ZCCHC7: variants seen among roughly 807,000 people sequenced by gnomAD.
The protein encoded by ZCCHC7 is zinc finger CCHC domain-containing protein 7.
ZCCHC7 carries 35 observed loss-of-function variants against 52.0 expected under a neutral mutation model. The ratio of observed to expected loss-of-function variants is 0.67; its 90% CI spans 0.51 to 0.89. The LOEUF is 0.89. Among genes scored for constraint, ZCCHC7 ranks in the 40% least tolerant of loss-of-function variants. The probability of loss-of-function intolerance (pLI) is 0.00; values close to 1 mark genes in which losing one functional copy is unlikely to be tolerated. For synonymous variants in ZCCHC7, 217 were observed against 221.5 expected (o/e 0.98, Z 0.18); for missense variants, 574 against 649.1 (o/e 0.88, Z 1.26).
chr9:37,315,409 A>G (rs1248802983), intron 5 of ZCCHC7, among the ~76,000 whole-genome samples: 1 of 147,292 alleles, frequency 6.8e-6, no homozygotes, highest in Non-Finnish European at 1.5e-5. Flanking sequence ...GTTGTAAGGC[A>G]TTCTACTAAT....
chr9:37,270,023 G>C (rs1334699209), intron 2 of ZCCHC7, among the ~76,000 whole-genome samples: 1 of 152,176 alleles, frequency 6.6e-6, no homozygotes, highest in Non-Finnish European at 1.5e-5. Flanking sequence ...CATTAGCTAT[G>C]TGTGTATCTG....
intron 2 of ZCCHC7, among the ~76,000 whole-genome samples, chr9:37,169,388 G>A (rs1193562904): frequency 6.6e-6 from 1 of 152,112 alleles, no homozygotes; most frequent in Non-Finnish European, 1.5e-5. Flanking sequence ...TTTCACTTGG[G>A]GGCCTACCCG....
At chr9:37,129,550 G>T (rs1243897821) in intron 2 of ZCCHC7, among the ~76,000 whole-genome samples, 1 of 152,140 alleles carries the variant, frequency 6.6e-6, no homozygotes, top group East Asian at 1.9e-4. Flanking sequence ...GGGATAGATT[G>T]GTTCATATAA....
chr9:37,240,884 C>T lies in ZCCHC7; in HGVS notation c.611-61304C>T, dbSNP rs557957701. Among the ~76,000 whole-genome samples, 13 of 151,602 alleles carry T rather than the reference C, an allele frequency of 8.6e-5. No homozygotes were observed. The East Asian group carries it at 1.5e-3, about 18-fold the overall frequency. On this transcript the variant is annotated intron_variant, in intron 2 of 8. Coordinates refer to ENST00000336755, the MANE Select transcript of ZCCHC7 (RefSeq NM_032226.3). ...CATTTAATATGCAATAAAATATTGACGTAAAAGAAATAGCCAAGAGATAGA... is the reference window on the plus strand; with the variant it reads ...CATTTAATATGCAATAAAATATTGATGTAAAAGAAATAGCCAAGAGATAGA...
chr9:37,288,042 G>C (rs1828338800), intron 2 of ZCCHC7, among the ~76,000 whole-genome samples: 1 of 152,070 alleles, frequency 6.6e-6, no homozygotes, highest in Admixed American at 6.6e-5. Flanking sequence ...AGTTTGGAAG[G>C]CTGAGGTAGG....
At chr9:37,223,899 C>G (rs1824957944) in intron 2 of ZCCHC7, among the ~76,000 whole-genome samples, 1 of 151,898 alleles carries the variant, frequency 6.6e-6, no homozygotes, top group African/African-American at 2.4e-5. Flanking sequence ...ACAGCATGCA[C>G]CCATTTTTCA....
chr9:37,228,204 T>C (rs10122265), intron 2 of ZCCHC7, among the ~76,000 whole-genome samples: 4,259 of 152,186 alleles, frequency 0.028, 139 homozygotes, highest in East Asian at 0.075. Context: ...ACAAATCAGA[T>C]CAGTGGTTAC....
chr9:37,178,032 A>T (rs938068519), intron 2 of ZCCHC7, among the ~76,000 whole-genome samples: 8 of 152,208 alleles, frequency 5.3e-5, no homozygotes, highest in Non-Finnish European at 8.8e-5. Context: ...CTAATGTAAG[A>T]TGTCACTATT....
At chr9:37,128,578 T>G (rs1377539186) in intron 2 of ZCCHC7, among the ~76,000 whole-genome samples, 1 of 152,238 alleles carries the variant, frequency 6.6e-6, no homozygotes, top group Non-Finnish European at 1.5e-5. Flanking sequence ...CATGACTTTG[T>G]GTTTTATTAA....
intron 2 of ZCCHC7, among the ~76,000 whole-genome samples, chr9:37,220,473 C>A (rs1336088197): frequency 6.6e-6 from 1 of 152,026 alleles, no homozygotes; most frequent in African/African-American, 2.4e-5. Context: ...ACCCGGGAGG[C>A]GAAAGTTGCA....
chr9:37,280,809 C>T (rs1400424702), intron 2 of ZCCHC7, among the ~76,000 whole-genome samples: 3 of 151,962 alleles, frequency 2.0e-5, no homozygotes, highest in Non-Finnish European at 4.4e-5. Flanking sequence ...TGCTTTGTCA[C>T]CCAGGTTGGA....
intron 6 of ZCCHC7, among the ~76,000 whole-genome samples, chr9:37,328,422 G>GT (rs1282532435): frequency 6.6e-6 from 1 of 151,890 alleles, no homozygotes; most frequent in East Asian, 1.9e-4. Context: ...AGAAAATACA[G>GT]TTTGCTAGAG....
At chr9:37,266,884 G>A (rs1188772544) in intron 2 of ZCCHC7, among the ~76,000 whole-genome samples, 1 of 152,056 alleles carries the variant, frequency 6.6e-6, no homozygotes, top group Admixed American at 6.5e-5. Context: ...AAAAAACAAA[G>A]TCTAACAGTG....
chr9:37,318,228 G>A (rs540408031), intron 5 of ZCCHC7, among the ~76,000 whole-genome samples: 28 of 151,860 alleles, frequency 1.8e-4, no homozygotes, highest in African/African-American at 4.8e-4. Flanking sequence ...ATAAAAGGCC[G>A]GGCGCAGTGG....
At chr9:37,195,327 A>G (rs1823234490) in intron 2 of ZCCHC7, among the ~76,000 whole-genome samples, 1 of 152,176 alleles carries the variant, frequency 6.6e-6, no homozygotes, top group Admixed American at 6.5e-5. Context: ...CATATTGTTG[A>G]TAAGTTTAAT....
At chr9:37,163,434 T>G (rs1821230905) in intron 2 of ZCCHC7, among the ~76,000 whole-genome samples, 1 of 149,356 alleles carries the variant, frequency 6.7e-6, no homozygotes, top group Non-Finnish European at 1.5e-5. Context: ...TTTTCTAAAG[T>G]GTTTTTACCT....
intron 5 of ZCCHC7, among the ~76,000 whole-genome samples, chr9:37,316,385 G>C (rs1829823904): frequency 6.7e-6 from 1 of 149,234 alleles, no homozygotes; most frequent in African/African-American, 2.5e-5. Context: ...ATAAGAATCT[G>C]GCACAATGAA....
At chr9:37,134,850 C>T (rs1407455973) in intron 2 of ZCCHC7, among the ~76,000 whole-genome samples, 10 of 152,112 alleles carry the variant, frequency 6.6e-5, no homozygotes, top group African/African-American at 1.9e-4. Context: ...CTCAGCCTCC[C>T]GAGTAGCTAG....
At chr9:37,229,448 G>A (rs1825290415) in intron 2 of ZCCHC7, among the ~76,000 whole-genome samples, 1 of 152,078 alleles carries the variant, frequency 6.6e-6, no homozygotes, top group Non-Finnish European at 1.5e-5. Context: ...GCACACCTAG[G>A]CCATATGATA....
Sources: gnomAD v4.1 joint callset for allele counts (sites outside exome capture counted in the v4.1 genomes callset) on GRCh38, gnomAD v4.1.1 for gene constraint, MANE v1.5 for transcripts, NCBI Gene and HGNC (gene_info 2026-07-23, HGNC 2026-07-21) for gene names.